LARP1B: variants seen among roughly 807,000 people sequenced by gnomAD.
LARP1B encodes the protein La ribonucleoprotein 1B, also known as la-related protein 1B.
Under a neutral mutation model 114.2 loss-of-function variants are expected in LARP1B, and 76 were observed. The ratio of observed to expected loss-of-function variants is 0.67; its 90% CI spans 0.55 to 0.81. The LOEUF is 0.81. Among genes scored for constraint, LARP1B ranks in the 30% least tolerant of loss-of-function variants. The pLI, the probability that LARP1B is intolerant of heterozygous loss-of-function variation, is 0.00. For synonymous variants in LARP1B, 345 were observed against 348.0 expected, an observed-to-expected ratio of 0.99 and a Z score of 0.10; for missense variants, 1,014 against 1,075.8, an observed-to-expected ratio of 0.94 and a Z score of 0.80.
chr4:128,095,901 C>G (rs1405552267), intron 7 of LARP1B, among the ~76,000 whole-genome samples: 1 of 151,472 alleles, frequency 6.6e-6, no homozygotes, highest in Non-Finnish European at 1.5e-5. Flanking sequence ...TTATGTATTT[C>G]TTTTGTATCA....
At chr4:128,168,161 A>G (rs1741954474) in intron 12 of LARP1B, among the ~76,000 whole-genome samples, 1 of 152,092 alleles carries the variant, frequency 6.6e-6, no homozygotes, top group Non-Finnish European at 1.5e-5. Flanking sequence ...TACAGTAAGT[A>G]TAACTTTTTA....
chr4:128,112,015 T>G (rs1580551303), intron 9 of LARP1B, among the ~76,000 whole-genome samples: 1 of 152,060 alleles, frequency 6.6e-6, no homozygotes, highest in African/African-American at 2.4e-5. Context: ...AAGTTTCATG[T>G]ATGGTTCATT....
chr4:128,175,032 T>G (rs1745323330), intron 12 of LARP1B, among the ~76,000 whole-genome samples: 2 of 152,158 alleles, frequency 1.3e-5, no homozygotes, highest in Non-Finnish European at 2.9e-5. Context: ...TATAATGATT[T>G]CTCTTCCCTT....
chr4:128,081,501 C>T (rs1770417067), intron 4 of LARP1B, among the ~76,000 whole-genome samples: 1 of 146,906 alleles, frequency 6.8e-6, no homozygotes, highest in South Asian at 2.2e-4. Context: ...AACATTGTTT[C>T]TTCTACGAAA....
chr4:128,213,202 C>T (rs1759226292), downstream of LARP1B, among the ~76,000 whole-genome samples: 1 of 152,078 alleles, frequency 6.6e-6, no homozygotes, highest in Non-Finnish European at 1.5e-5. Flanking sequence ...GTGTGAGCCA[C>T]TGCGCCTGGC....
chr4:128,097,415 C>T (rs763091867), intron 7 of LARP1B, among the ~76,000 whole-genome samples: 1 of 152,024 alleles, frequency 6.6e-6, no homozygotes, highest in African/African-American at 2.4e-5. Context: ...TCAAGGGATT[C>T]TCCTGCCTCA....
At chr4:128,180,021 ATC>A (rs1747804335) in intron 15 of LARP1B, among the ~76,000 whole-genome samples, 2 of 152,146 alleles carry the variant, frequency 1.3e-5, no homozygotes, top group Admixed American at 1.3e-4. Context: ...TCTAGAGCAA[ATC>A]TCTTAGAGTG....
chr4:128,118,178 G>C (rs1157361203), intron 10 of LARP1B, among the ~76,000 whole-genome samples: 2 of 133,766 alleles, frequency 1.5e-5, no homozygotes, highest in Non-Finnish European at 3.1e-5. Context: ...CACCCACCTC[G>C]ATCTTTCAAA....
intron 1 of LARP1B, chr4:128,069,606 C>T (rs1001211263): frequency 2.9e-6 from 2 of 683,892 alleles, no homozygotes; most frequent in African/African-American, 1.8e-5. Context: ...TACTTGTATG[C>T]CCCCATCTTG....
chr4:128,158,850 A>G (rs1396299486), intron 11 of LARP1B, among the ~76,000 whole-genome samples: 1 of 152,110 alleles, frequency 6.6e-6, no homozygotes, highest in African/African-American at 2.4e-5. Flanking sequence ...CACATCTTAT[A>G]TATAACTATA....
chr4:128,065,194 A>ATAGTGTAGTAG (rs869096038), intron 1 of LARP1B, among the ~76,000 whole-genome samples: 1 of 92 alleles, frequency 0.011, no homozygotes. Context: ...CAGACCTGGC[A>ATAGTGTAGTAG]TAGTGTAGTA....
chr4:128,062,350 A>G (rs1579564515), intron 1 of LARP1B: 2 of 870,170 alleles, frequency 2.3e-6, no homozygotes, highest in Non-Finnish European at 2.8e-6. Context: ...TGTCAGTCGG[A>G]GGTAATTTGT....
intron 7 of LARP1B, among the ~76,000 whole-genome samples, chr4:128,095,982 G>A (rs753055606): frequency 1.3e-5 from 2 of 149,758 alleles, no homozygotes; most frequent in Non-Finnish European, 3.0e-5. Context: ...TTACATATAT[G>A]GAGGCTATAA....
chr4:128,176,158 TAA>T (rs1301050501), intron 12 of LARP1B, among the ~76,000 whole-genome samples: 7 of 131,330 alleles, frequency 5.3e-5, no homozygotes, highest in African/African-American at 2.0e-4. Context: ...ATTATATATA[TAA>T]ATATATATAT....
chr4:128,083,782 G>A (rs1218276364), intron 5 of LARP1B, among the ~76,000 whole-genome samples: 6 of 149,948 alleles, frequency 4.0e-5, no homozygotes, highest in East Asian at 2.0e-4. Flanking sequence ...TGGACGGGGC[G>A]GCTGGCCGGG....
At chr4:128,166,854 G>A (rs545799436) in intron 12 of LARP1B, among the ~76,000 whole-genome samples, 13 of 147,646 alleles carry the variant, frequency 8.8e-5, no homozygotes, top group African/African-American at 3.2e-4. Context: ...ATTTCATTTA[G>A]CATAATGTCC....
At chr4:128,194,999 G>A (rs1753622551) in intron 15 of LARP1B, among the ~76,000 whole-genome samples, 6 of 152,042 alleles carry the variant, frequency 3.9e-5, no homozygotes, top group Admixed American at 3.9e-4. Context: ...CTAGTACTGA[G>A]TTATCTGTAA....
At position 128,068,210 on chromosome 4, in the gene LARP1B, G is replaced by GT. The variant is rs529683891; in HGVS notation, c.-77-6249dup. ...TTTTTGTATATTTAGTAGAGATGGG[G>GT]TGTCACCATGTTGGCCAGGCTGATC... is the stretch of plus-strand genomic sequence containing the variant. On this transcript the variant is annotated intron_variant, in intron 1 of 19. Coordinates refer to ENST00000326639, the MANE Select transcript of LARP1B (RefSeq NM_018078.4). Among the ~76,000 whole-genome samples, 159 of 152,174 alleles carry GT rather than the reference G, an allele frequency of 1.0e-3. 1 individual carries two copies. The highest frequency in any genetic ancestry group is 3.8e-3 in the African/African-American group (158 of 41,528).
chr4:128,191,328 T>A (rs773573556), intron 15 of LARP1B, among the ~76,000 whole-genome samples: 1 of 152,206 alleles, frequency 6.6e-6, no homozygotes, highest in Non-Finnish European at 1.5e-5. Flanking sequence ...GGATGTACAT[T>A]TGTGGCTTTG....
Sources: gnomAD v4.1 joint callset for allele counts (sites outside exome capture counted in the v4.1 genomes callset) on GRCh38, gnomAD v4.1.1 for gene constraint, MANE v1.5 for transcripts, NCBI Gene and HGNC (gene_info 2026-07-23, HGNC 2026-07-21) for gene names.